SKP1: variants seen among roughly 807,000 people sequenced by gnomAD.
SKP1 encodes the protein S-phase kinase associated protein 1, also known as S-phase kinase-associated protein 1.
In SKP1, 1 loss-of-function variant was observed where a neutral mutation model predicts 21.5. The observed-to-expected ratio is 0.05, with a 90% confidence interval of 0.02 to 0.22. The LOEUF is 0.22. SKP1 is among the 10% of genes least tolerant of loss of function. The pLI is 1.00. For missense variants in SKP1, 70 were observed against 192.0 expected (o/e 0.36, Z 3.76); for synonymous variants, 59 against 59.3 (o/e 0.99, Z 0.03).
intron 2 of SKP1, among the ~76,000 whole-genome samples, chr5:134,171,915 A>G (rs1178917074): frequency 6.6e-6 from 1 of 152,190 alleles, no homozygotes; most frequent in African/African-American, 2.4e-5. Context: ...ATGGTGGCAC[A>G]TGCCTGTAAT....
chr5:134,159,556 T>A (rs577491136), intron 4 of SKP1, among the ~76,000 whole-genome samples: 2 of 151,584 alleles, frequency 1.3e-5, no homozygotes, highest in African/African-American at 4.8e-5. Context: ...AATTTTTTTT[T>A]TTTTTTTTTG....
Position 134,149,588 on chromosome 5 carries a change from G to C in SKP1, c.*8145C>G, listed in dbSNP as rs1761009161. 1 of 152,248 alleles carries C rather than the reference G, an allele frequency of 6.6e-6. No individual in the cohort carries two copies. The highest frequency in any genetic ancestry group is 1.5e-5 in the Non-Finnish European group (1 of 68,038). The allele number at this position is 152,248 out of a possible 1,614,324, so 9.4% of individuals were successfully genotyped here. A position where few individuals can be genotyped will look rare whatever the true frequency, so the allele number is the denominator to read the frequency against. On this transcript the variant is annotated 3_prime_UTR_variant, in exon 6 of 6. Transcript: ENST00000353411. The stretch of plus-strand genomic sequence containing the variant: ...TATTTAAAGTAGGCCACTGGAAGTT[G>C]TAACCCCAGACTTGCTTTTGCTTCT...
At chr5:134,173,629 T>G (rs1761485994) in intron 2 of SKP1, 2 of 468,206 alleles carry the variant, frequency 4.3e-6, no homozygotes, top group Non-Finnish European at 8.1e-6. Flanking sequence ...CTGGAACTTA[T>G]GAATTCAAAT....
intron 2 of SKP1, chr5:134,173,603 A>C (rs17167353): frequency 0.078 from 32,360 of 415,194 alleles, 1,624 homozygotes; most frequent in Admixed American, 0.16. Context: ...TTTTCCAAAG[A>C]CCTTAATTTC....
intron 2 of SKP1, among the ~76,000 whole-genome samples, chr5:134,171,943 C>T (rs562438912): frequency 6.6e-6 from 1 of 152,118 alleles, no homozygotes; most frequent in African/African-American, 2.4e-5. Context: ...ACTTGGGAGG[C>T]GGAGGCAGGA....
In SKP1 at chr5:134,153,614, G is replaced by A. The variant is rs1314879336; in HGVS notation, c.*4119C>T. On this transcript the variant is annotated 3_prime_UTR_variant, in exon 6 of 6. Transcript: ENST00000353411. ...GCAAGCAAAAGTTAAGCTTGTAAAG[G>A]GTGCTGAGAGCAAGAGGTCTGCTGC... The A allele has an allele frequency of 2.0e-5, 3 of 152,146 alleles. No homozygotes were observed. The highest frequency in any genetic ancestry group is 7.2e-5 in the African/African-American group (3 of 41,416). The allele number at this position is 152,146 out of a possible 1,614,324, so 9.4% of individuals were successfully genotyped here. A position where few individuals can be genotyped will look rare whatever the true frequency, so the allele number is the denominator to read the frequency against.
chr5:134,168,777 T>G (rs1761383591), intron 2 of SKP1, among the ~76,000 whole-genome samples: 1 of 151,996 alleles, frequency 6.6e-6, no homozygotes, highest in Non-Finnish European at 1.5e-5. Flanking sequence ...ATGAAAAGGA[T>G]GAAGTTGCCA....
chr5:134,159,547 A>ATTTT (rs1166778296), intron 4 of SKP1, among the ~76,000 whole-genome samples: 2 of 134,444 alleles, frequency 1.5e-5, no homozygotes, highest in African/African-American at 2.8e-5. Flanking sequence ...CACCCAGCTA[A>ATTTT]TTTTTTTTTT....
chr5:134,162,647 A>G (rs1373243041), intron 3 of SKP1, among the ~76,000 whole-genome samples: 1 of 152,110 alleles, frequency 6.6e-6, no homozygotes, highest in Admixed American at 6.5e-5. Flanking sequence ...TTGGCTTCCC[A>G]AAGTGCTGGG....
rs79309041 is a variant in SKP1, at chr5:134,153,528, C to T, written c.*4205G>A. The stretch of plus-strand genomic sequence containing the variant: ...TCTTCGGGCTACTCTGGGCACACTG[C>T]CTATGGGGTAGTCCTGCTCTGCAAG... On this transcript the variant is annotated 3_prime_UTR_variant, in exon 6 of 6. Coordinates refer to ENST00000353411, the MANE Select transcript of SKP1 (RefSeq NM_170679.3). 15,952 of 152,076 alleles carry T rather than the reference C, an allele frequency of 0.1. 1,053 individuals are homozygous for T. The highest frequency in any genetic ancestry group is 0.17 in the African/African-American group (7,043 of 41,460). 9.4% of individuals were successfully genotyped at this position (152,076 alleles called of 1,614,324 possible). A position where few individuals can be genotyped will look rare whatever the true frequency, so the allele number is the denominator to read the frequency against.
chr5:134,149,085 G>A lies in SKP1; in HGVS notation c.*8648C>T, dbSNP rs769293805. 2 of 151,920 alleles carry A rather than the reference G, an allele frequency of 1.3e-5. No homozygotes were observed. The highest frequency in any genetic ancestry group is 2.9e-5 in the Non-Finnish European group (2 of 68,002). The allele number at this position is 151,920 out of a possible 1,614,324, so 9.4% of individuals were successfully genotyped here. ...TTTTAGATTATTTGTATACATTTAG[G>A]GGGTACAAGTGCAGCTGTGTTACAT... On this transcript the variant is annotated 3_prime_UTR_variant, in exon 6 of 6. Coordinates refer to ENST00000353411, the MANE Select transcript of SKP1 (RefSeq NM_170679.3).
At chr5:134,174,047 A>T in intron 1 of SKP1, 25 bp from the exon 2 acceptor site, 1 of 1,372,880 alleles carries the variant, frequency 7.3e-7, no homozygotes, top group Non-Finnish European at 1.0e-6. Context: ...CATTAAATAT[A>T]AAATTTAAGA....
chr5:134,176,395 T>G (rs1050388998), intron 1 of SKP1, among the ~76,000 whole-genome samples: 5 of 151,864 alleles, frequency 3.3e-5, no homozygotes, highest in African/African-American at 4.8e-5. Flanking sequence ...CAGCTCTCCC[T>G]CCCGACCACA....
At chr5:134,162,379 A>G (rs886433133) in intron 3 of SKP1, among the ~76,000 whole-genome samples, 2 of 152,128 alleles carry the variant, frequency 1.3e-5, no homozygotes, top group African/African-American at 4.8e-5. Context: ...GCTATGAGCC[A>G]CTGTGCCTGG....
chr5:134,165,023 C>T (rs1367415559), intron 3 of SKP1, among the ~76,000 whole-genome samples: 1 of 131,242 alleles, frequency 7.6e-6, no homozygotes, highest in Non-Finnish European at 1.5e-5. Context: ...GTTTACCTAG[C>T]GTAATTTTTT....
chr5:134,173,494 A>C, intron 2 of SKP1: 1 of 337,080 alleles, frequency 3.0e-6, no homozygotes, highest in Non-Finnish European at 5.8e-6. Flanking sequence ...GTCTCAAATA[A>C]ATCAATCAAT....
chr5:134,161,048 A>G lies in SKP1; in HGVS notation c.254T>C (p.Ile85Thr). Residue 85 changes from isoleucine (I) to threonine (T), a missense_variant, in exon 4 of 6, where the codon ATC becomes ACC. Physicochemically the swap from Ile to Thr is moderately conservative, Grantham distance 89 (BLOSUM62 -1). Around this residue, in one of 4 missense-constraint regions of SKP1, gnomAD observed 33 missense variants for 64.9 expected, o/e 0.51. Coordinates refer to ENST00000353411, the MANE Select transcript of SKP1 (RefSeq NM_170679.3). ...CAGGAATTCTTGGTCCCAAACAGGG[A>G]TATCATCTGTTCGCTTTTCTTTGTT... Reference protein sequence around the residue: ...DENKEKRTDDIPVWDQEFLKV... With the variant: ...DENKEKRTDDTPVWDQEFLKV... 6.2e-7 allele frequency: 1 copy of G among 1,612,838 alleles called. No individual in the cohort carries two copies. Among genetic ancestry groups the G allele is most frequent in the Non-Finnish European group, 8.5e-7 (1 of 1,179,164 alleles).
At chr5:134,170,316 T>C (rs1397721374) in intron 2 of SKP1, among the ~76,000 whole-genome samples, 4 of 152,238 alleles carry the variant, frequency 2.6e-5, no homozygotes, top group Admixed American at 1.3e-4. Flanking sequence ...CTTTAAATCC[T>C]CTAGCATTTA....
rs1023453976 is a variant in SKP1, at chr5:134,156,021, C to A, written c.*1712G>T. ...GTGTTGCCCAGGCTGGTCTTGAACT[C>A]CTGGGCTCAAACGATCCTCCTGTCT... is the stretch of plus-strand genomic sequence containing the variant. On this transcript the variant is annotated 3_prime_UTR_variant, in exon 6 of 6. Transcript: ENST00000353411. 1 of 150,278 alleles carries A rather than the reference C, an allele frequency of 6.7e-6. No homozygotes were observed. The highest frequency in any genetic ancestry group is 2.5e-5 in the African/African-American group (1 of 40,660). The allele number at this position is 150,278 out of a possible 1,614,324, so 9.3% of individuals were successfully genotyped here.
Sources: gnomAD v4.1 joint callset for allele counts (sites outside exome capture counted in the v4.1 genomes callset) on GRCh38, gnomAD v4.1.1 for gene constraint, gnomAD v4.1.1 regional missense constraint, MANE v1.5 for transcripts, NCBI Gene and HGNC (gene_info 2026-07-23, HGNC 2026-07-21) for gene names.